Variants in MORN1 observed in about 807,000 individuals in gnomAD.
The protein encoded by MORN1 is MORN repeat containing 1, also known as MORN repeat-containing protein 1.
In MORN1, 67 loss-of-function variants were observed where a neutral mutation model predicts 61.9. That is an observed-to-expected ratio of 1.08 (90% CI 0.89 to 1.33). The LOEUF (loss-of-function observed/expected upper bound fraction) is 1.33. Among genes scored for constraint, MORN1 ranks in the 40% most tolerant of loss-of-function variants. MORN1 has a pLI of 0.00. For synonymous variants in MORN1, 301 were observed against 292.0 expected (o/e 1.03, Z -0.31); for missense variants, 752 against 691.2 (o/e 1.09, Z -0.99).
At chr1:2,359,228 C>A (rs1220048165) in intron 8 of MORN1, among the ~76,000 whole-genome samples, 1 of 152,166 alleles carries the variant, frequency 6.6e-6, no homozygotes. Context: ...CCGTGCCCAT[C>A]TCCCACCTTG....
chr1:2,351,829 G>A, intron 10 of MORN1: 1 of 527,952 alleles, frequency 1.9e-6, no homozygotes, highest in South Asian at 1.6e-5. Context: ...TCCGTGTGTG[G>A]CAGCATCTTG....
intron 6 of MORN1, among the ~76,000 whole-genome samples, chr1:2,379,833 C>T (rs1428662761): frequency 3.3e-5 from 5 of 152,178 alleles, no homozygotes; most frequent in East Asian, 3.8e-4. Context: ...AACAGCATGG[C>T]GGTTCCTCAA....
chr1:2,326,246 A>T (rs1392618506), intron 12 of MORN1: 1 of 152,248 alleles, frequency 6.6e-6, no homozygotes, highest in African/African-American at 2.4e-5. Context: ...TGGGGAGAAC[A>T]GGCTTTGCCG....
intron 10 of MORN1, chr1:2,351,588 G>A (rs369498518): frequency 5.6e-5 from 14 of 250,830 alleles, no homozygotes; most frequent in African/African-American, 1.9e-4. Flanking sequence ...TGGCCGGGCC[G>A]TGTAACCAAG....
In MORN1 at chr1:2,357,542, G is replaced by A. The variant is rs752413949; in HGVS notation, c.926C>T (p.Pro309Leu). ...VSSPAAGVPG[P>L]RAAKGGAEAD... ...TTCTGCCCCTCCCTTGGCAGCTCTG[G>A]GCCCCGGCACCCCAGCTGCGGGGCT... is the stretch of plus-strand genomic sequence containing the variant. Residue 309 changes from proline to leucine, a missense_variant, in exon 10 of 14, where the codon CCC (proline) becomes CTC (leucine). Pro to Leu is a moderately conservative substitution (Grantham distance 98). Coordinates refer to ENST00000378531, the MANE Select transcript of MORN1 (RefSeq NM_024848.3). The surrounding 1 kb of genome is among the most constrained non-coding windows in gnomAD (Gnocchi z 6.3). 1.5e-4 allele frequency: 245 copies of A among 1,612,334 alleles called. No individual in the cohort carries two copies. Among genetic ancestry groups the A allele is most frequent in the Non-Finnish European group, 2.1e-4 (242 of 1,179,500 alleles).
At position 2,372,415 on chromosome 1, in the gene MORN1, G is replaced by T; in HGVS notation, c.745+66C>A. The T allele has an allele frequency of 7.7e-7, 1 of 1,290,512 alleles. No individual in the cohort carries two copies. Among genetic ancestry groups the T allele is most frequent in the Non-Finnish European group, 1.1e-6 (1 of 915,660 alleles). 79.9% of individuals were successfully genotyped at this position (1,290,512 alleles called of 1,614,324 possible). A position where few individuals can be genotyped will look rare whatever the true frequency, so the allele number is the denominator to read the frequency against. On this transcript the variant is annotated intron_variant, in intron 8 of 13. Transcript: ENST00000378531. This position sits in a 1 kb window ranked among gnomAD's most constrained non-coding sequence, Gnocchi z 5.4. The stretch of plus-strand genomic sequence containing the variant: ...GCAACATCTCGTCCGCATCTTCACT[G>T]CTTAAGAACCTGCTGCCTGTTTCTC...
At chr1:2,380,044 C>G (rs1007882097) in intron 6 of MORN1, among the ~76,000 whole-genome samples, 1 of 152,090 alleles carries the variant, frequency 6.6e-6, no homozygotes, top group East Asian at 1.9e-4. Flanking sequence ...GTGGGGGGTG[C>G]GGGCCCGGCT....
At chr1:2,369,267 T>C (rs531808440) in intron 8 of MORN1, among the ~76,000 whole-genome samples, 27 of 145,520 alleles carry the variant, frequency 1.9e-4, no homozygotes, top group African/African-American at 6.6e-4. Context: ...GGCAGGAGAA[T>C]GGTGTGAACC....
rs1553208731 is a variant in MORN1, at chr1:2,335,829, A to AGCCCAGCCCGGCCCGGCCCGGCCCG, written c.1250+639_1250+640insCGGGCCGGGCCGGGCCGGGCTGGGC. On this transcript the variant is annotated intron_variant, in intron 12 of 13. Coordinates refer to ENST00000378531, the MANE Select transcript of MORN1 (RefSeq NM_024848.3). Reference sequence around the variant, plus strand: ...TCAGCGGGGGCCTCCTCGCCTCCATAGCCCAGCCCAGCCCAGCGCGCAGCT... The same window carrying AGCCCAGCCCGGCCCGGCCCGGCCCG: ...TCAGCGGGGGCCTCCTCGCCTCCATAGCCCAGCCCGGCCCGGCCCGGCCCGGCCCAGCCCAGCCCAGCGCGCAGCT... Among the ~76,000 whole-genome samples the AGCCCAGCCCGGCCCGGCCCGGCCCG allele has an allele frequency of 1.1e-4, 15 of 139,350 alleles. 1 individual carries two copies. Among genetic ancestry groups the AGCCCAGCCCGGCCCGGCCCGGCCCG allele is most frequent in the African/African-American group, 5.0e-4 (15 of 29,808 alleles). The allele number at this position is 139,350 out of a possible 152,430, so 91.4% of individuals were successfully genotyped here.
chr1:2,324,322 CA>C lies in MORN1; in HGVS notation c.1251-180del, dbSNP rs1402729365. On this transcript the variant is annotated intron_variant, in intron 12 of 13. Coordinates refer to ENST00000378531, the MANE Select transcript of MORN1 (RefSeq NM_024848.3). ...ACGGGGAGAGTCCTCTGGCAGCCTG[CA>C]CCCAGCTCTCTGCACCTCGGAACCG... 5.3e-5 allele frequency among the ~76,000 whole-genome samples: 8 copies of C among 152,326 alleles called. No individual in the cohort carries two copies. In the East Asian group the frequency reaches 1.2e-3, roughly 22 times the overall value.
At chr1:2,323,179 G>C (rs1640922286) in intron 13 of MORN1, 2 of 985,272 alleles carry the variant, frequency 2.0e-6, no homozygotes, top group South Asian at 9.4e-5. Flanking sequence ...GGCTGCTGTG[G>C]GACCACGGGG....
rs542891349 is a variant in MORN1 at position 2,322,519 on chromosome 1, C to T, written c.1298-940G>A. 32 of 984,986 alleles carry T rather than the reference C, an allele frequency of 3.2e-5. 1 individual carries two copies. The Admixed American group carries it at 8.6e-4, about 26-fold the overall frequency. 61.0% of individuals were successfully genotyped at this position (984,986 alleles called of 1,614,324 possible). ...CTGGACAAGAGCAAGCCTCGGGGGC[C>T]GGGAGGAATGTGCTTGGCCCCGAGT... is the stretch of plus-strand genomic sequence containing the variant. On this transcript the variant is annotated intron_variant, in intron 13 of 13. Coordinates refer to ENST00000378531, the MANE Select transcript of MORN1 (RefSeq NM_024848.3).
chr1:2,385,723 G>A (rs1256432113), intron 5 of MORN1, 84 bp downstream of exon 5: 1 of 1,311,780 alleles, frequency 7.6e-7, no homozygotes, highest in Non-Finnish European at 1.1e-6. Flanking sequence ...TGGCAGTCCT[G>A]TCTACACCCC....
intron 3 of MORN1, 26 bp downstream of exon 3, chr1:2,388,213 A>T (rs1262419578): frequency 1.3e-6 from 2 of 1,577,948 alleles, no homozygotes; most frequent in Non-Finnish European, 1.7e-6. Flanking sequence ...GAAAGGAGTG[A>T]ATGTGCCATC....
Position 2,357,634 on chromosome 1 carries a change from C to G in MORN1, c.870-36G>C. On this transcript the variant is annotated intron_variant, in intron 9 of 13. Coordinates refer to ENST00000378531, the MANE Select transcript of MORN1 (RefSeq NM_024848.3). This position sits in a 1 kb window ranked among gnomAD's most constrained non-coding sequence, Gnocchi z 6.3. ...ATGGGGGCAGCTTGGCTCTACTCAC[C>G]CCACACCAAACTAGGGTGCAGGCAG... is the stretch of plus-strand genomic sequence containing the variant. 6.5e-7 allele frequency: 1 copy of G among 1,549,970 alleles called. No homozygotes were observed.
chr1:2,379,950 C>T (rs1175552560), intron 6 of MORN1, among the ~76,000 whole-genome samples: 2 of 152,180 alleles, frequency 1.3e-5, no homozygotes, highest in Non-Finnish European at 2.9e-5. Context: ...GCAGCATCAC[C>T]CACAGGACCC....
intron 10 of MORN1, among the ~76,000 whole-genome samples, chr1:2,340,176 G>A (rs888536172): frequency 6.6e-6 from 1 of 151,996 alleles, no homozygotes; most frequent in African/African-American, 2.4e-5. Context: ...TGCTGTCCCT[G>A]GGGTAGGCTT....
intron 6 of MORN1, among the ~76,000 whole-genome samples, 188 bp downstream of exon 6, chr1:2,384,789 GT>G (rs1215752489): frequency 6.6e-6 from 1 of 152,204 alleles, no homozygotes; most frequent in Non-Finnish European, 1.5e-5. Flanking sequence ...ATACACTCCT[GT>G]TTTTCTCTTT....
intron 10 of MORN1, among the ~76,000 whole-genome samples, chr1:2,349,990 G>A (rs1557876842): frequency 6.6e-6 from 1 of 152,146 alleles, no homozygotes; most frequent in Non-Finnish European, 1.5e-5. Flanking sequence ...GAGGCGCTGG[G>A]GCCCAGCCGG....
Sources: allele counts gnomAD v4.1 joint callset (sites outside exome capture counted in the v4.1 genomes callset), GRCh38; gene constraint gnomAD v4.1.1; non-coding constraint Gnocchi (gnomAD v3.1); transcripts MANE v1.5; gene names NCBI Gene and HGNC (gene_info 2026-07-23, HGNC 2026-07-21).